Variants in WDR70 observed in about 807,000 individuals in gnomAD.
The protein encoded by WDR70 is WD repeat domain 70.
A neutral mutation model predicts 88.6 loss-of-function variants in WDR70; 53 were observed. The ratio of observed to expected loss-of-function variants is 0.60; its 90% CI spans 0.48 to 0.75. The LOEUF is 0.75. WDR70 is among the 30% of genes least tolerant of loss of function. The probability of loss-of-function intolerance (pLI) is 0.00; values close to 1 mark genes in which losing one functional copy is unlikely to be tolerated. For missense variants in WDR70, 610 were observed against 823.2 expected, an observed-to-expected ratio of 0.74 and a Z score of 3.17; for synonymous variants, 280 against 270.0, an observed-to-expected ratio of 1.04 and a Z score of -0.36.
chr5:37,735,877 A>G (rs909942319), intron 17 of WDR70, among the ~76,000 whole-genome samples: 2 of 152,136 alleles, frequency 1.3e-5, no homozygotes, highest in African/African-American at 2.4e-5. Context: ...CATTCCACAA[A>G]TGTGCCTGCC....
At chr5:37,578,471 T>C (rs1743119405) in intron 9 of WDR70, among the ~76,000 whole-genome samples, 2 of 152,214 alleles carry the variant, frequency 1.3e-5, no homozygotes, top group Admixed American at 1.3e-4. Context: ...TGTTCGGTAG[T>C]TGACCATTCA....
chr5:37,495,454 C>G (rs1229181513), intron 8 of WDR70, among the ~76,000 whole-genome samples: 3 of 151,950 alleles, frequency 2.0e-5, no homozygotes, highest in Non-Finnish European at 4.4e-5. Flanking sequence ...CTCTCTCTCT[C>G]TCTCTCTCTC....
intron 9 of WDR70, among the ~76,000 whole-genome samples, chr5:37,541,476 T>C (rs477420): frequency 0.73 from 111,025 of 152,110 alleles, 40,976 homozygotes; most frequent in African/African-American, 0.84. Context: ...TCAGTGTTTG[T>C]TATTTTTATC....
chr5:37,712,056 G>A (rs532842696), intron 13 of WDR70, among the ~76,000 whole-genome samples: 9 of 140,022 alleles, frequency 6.4e-5, no homozygotes, highest in East Asian at 4.3e-4. Flanking sequence ...GCAGTGGCAC[G>A]ATCTCGGCTT....
intron 7 of WDR70, among the ~76,000 whole-genome samples, chr5:37,479,083 A>T (rs1423646730): frequency 6.6e-6 from 1 of 152,182 alleles, no homozygotes; most frequent in Non-Finnish European, 1.5e-5. Context: ...GATCCAGGAT[A>T]TAAGTATGAT....
chr5:37,701,253 T>A, intron 12 of WDR70, 111 bp downstream of exon 12: 1 of 666,874 alleles, frequency 1.5e-6, no homozygotes, highest in South Asian at 2.2e-5. Context: ...GAAAAGAGAC[T>A]TGAGAGAGTG....
intron 13 of WDR70, among the ~76,000 whole-genome samples, chr5:37,703,295 T>C (rs1471582231): frequency 6.6e-6 from 1 of 152,214 alleles, no homozygotes; most frequent in Non-Finnish European, 1.5e-5. Context: ...CCTATGGACC[T>C]ACACTTTAGT....
intron 8 of WDR70, chr5:37,506,735 A>T: frequency 3.1e-6 from 3 of 954,704 alleles, no homozygotes; most frequent in Non-Finnish European, 5.2e-6. Flanking sequence ...CATTATACAC[A>T]CTGGTGGCTT....
At chr5:37,381,727 T>C (rs1324380759) in intron 3 of WDR70, 42 bp downstream of exon 3, 3 of 1,565,910 alleles carry the variant, frequency 1.9e-6, no homozygotes, top group South Asian at 1.1e-5. Context: ...GTTTAAGTAC[T>C]ATGTATACCT....
intron 10 of WDR70, among the ~76,000 whole-genome samples, chr5:37,666,223 G>T (rs1007666551): frequency 3.3e-5 from 5 of 152,170 alleles, no homozygotes; most frequent in African/African-American, 1.2e-4. Flanking sequence ...CTGCACTTGT[G>T]TTCACACTTG....
intron 8 of WDR70, among the ~76,000 whole-genome samples, chr5:37,509,019 TA>T (rs1234177715): frequency 6.6e-6 from 1 of 152,150 alleles, no homozygotes; most frequent in Non-Finnish European, 1.5e-5. Flanking sequence ...TTTATGTGCA[TA>T]AGATTATTAT....
chr5:37,739,323 A>T (rs938660005), intron 17 of WDR70, among the ~76,000 whole-genome samples: 2 of 152,230 alleles, frequency 1.3e-5, no homozygotes, highest in Non-Finnish European at 2.9e-5. Context: ...GCTGAATGGA[A>T]TGTTCCCCTT....
At position 37,660,140 on chromosome 5, in the gene WDR70, G is replaced by A. The variant is rs1313104953; in HGVS notation, c.1093-37515G>A. ...AATTGATAGAAATCAATTGCTAATT[G>A]AGTTCTATTTTAATCCCATTGTAGT... On this transcript the variant is annotated intron_variant, in intron 10 of 17. Coordinates refer to ENST00000265107, the MANE Select transcript of WDR70 (RefSeq NM_018034.4). 4.6e-5 allele frequency among the ~76,000 whole-genome samples: 7 copies of A among 152,164 alleles called. 1 individual carries two copies. The South Asian group carries it at 1.0e-3, about 23-fold the overall frequency.
intron 10 of WDR70, among the ~76,000 whole-genome samples, chr5:37,649,747 T>TTTTTTG (rs1745343486): frequency 8.3e-6 from 1 of 119,946 alleles, no homozygotes; most frequent in Non-Finnish European, 1.7e-5. Context: ...TTTTTTTTTT[T>TTTTTTG]TTTTTTTTGA....
intron 7 of WDR70, 86 bp from the exon 8 acceptor site, chr5:37,479,747 CA>C (rs1215430673): frequency 2.9e-6 from 4 of 1,391,206 alleles, no homozygotes; most frequent in East Asian, 2.3e-5. Flanking sequence ...ATTTGTGTAA[CA>C]TTTTTTTTTC....
intron 17 of WDR70, among the ~76,000 whole-genome samples, chr5:37,747,642 T>C (rs1258775375): frequency 6.6e-6 from 1 of 152,140 alleles, no homozygotes; most frequent in African/African-American, 2.4e-5. Context: ...TATTGGAAAT[T>C]CTGGCTGGGG....
chr5:37,681,736 A>T (rs1011387339), intron 10 of WDR70, among the ~76,000 whole-genome samples: 1 of 152,044 alleles, frequency 6.6e-6, no homozygotes, highest in African/African-American at 2.4e-5. Flanking sequence ...ACATTTATTG[A>T]TTTGCATTTG....
At chr5:37,576,027 T>TTTCCTTCCTTCC in intron 9 of WDR70, among the ~76,000 whole-genome samples, 3 of 150,672 alleles carry the variant, frequency 2.0e-5, no homozygotes, top group Middle Eastern at 6.9e-3. Context: ...AAAAAGCAGA[T>TTTCCTTCCTTCC]TTCCTTCCTT....
intron 5 of WDR70, among the ~76,000 whole-genome samples, chr5:37,413,720 C>T (rs373967990): frequency 9.3e-6 from 1 of 108,036 alleles, no homozygotes; most frequent in Non-Finnish European, 1.8e-5. Flanking sequence ...GACTCTGTCT[C>T]AAAAAAAAAA....
Sources: allele counts gnomAD v4.1 joint callset (sites outside exome capture counted in the v4.1 genomes callset), GRCh38; gene constraint gnomAD v4.1.1; transcripts MANE v1.5; gene names NCBI Gene and HGNC (gene_info 2026-07-23, HGNC 2026-07-21).